RALYL: variants seen among roughly 807,000 people sequenced by gnomAD.
RALYL encodes RNA-binding Raly-like protein.
RALYL carries 29 observed loss-of-function variants against 35.1 expected under a neutral mutation model. The ratio of observed to expected loss-of-function variants is 0.83; its 90% CI spans 0.61 to 1.13. The LOEUF (loss-of-function observed/expected upper bound fraction) is 1.13, where lower values mean the gene tolerates loss of function less well. Among genes scored for constraint, RALYL ranks in the 50% most tolerant of loss-of-function variants. The probability of loss-of-function intolerance (pLI) is 0.00; values close to 1 mark genes in which losing one functional copy is unlikely to be tolerated. For missense variants in RALYL, 359 were observed against 360.4 expected, an observed-to-expected ratio of 1.00 and a Z score of 0.03; for synonymous variants, 120 against 127.6, an observed-to-expected ratio of 0.94 and a Z score of 0.40.
At chr8:84,428,793 C>T (rs1422016637) in intron 1 of RALYL, among the ~76,000 whole-genome samples, 1 of 152,108 alleles carries the variant, frequency 6.6e-6, no homozygotes, top group Non-Finnish European at 1.5e-5. Flanking sequence ...CCATGGTACC[C>T]TCTACTCTAC....
chr8:84,637,468 A>G (rs1259044178), intron 2 of RALYL, among the ~76,000 whole-genome samples: 1 of 151,854 alleles, frequency 6.6e-6, no homozygotes, highest in Admixed American at 6.6e-5. Context: ...AAGTCCAACC[A>G]CTGGCTGCTT....
chr8:84,835,502 T>TAAAAAA (rs35745516), intron 4 of RALYL, among the ~76,000 whole-genome samples: 31 of 96,218 alleles, frequency 3.2e-4, no homozygotes, highest in African/African-American at 8.2e-4. Context: ...CTGTCTCTAC[T>TAAAAAA]AAAAAAAAAA....
At chr8:84,416,988 C>CT (rs2044782389) in intron 1 of RALYL, among the ~76,000 whole-genome samples, 1 of 151,886 alleles carries the variant, frequency 6.6e-6, no homozygotes, top group African/African-American at 2.4e-5. Flanking sequence ...TATTTTCTTC[C>CT]TTTTTTCCTT....
At chr8:84,683,297 GC>G (rs1284099729) in intron 2 of RALYL, among the ~76,000 whole-genome samples, 2 of 152,166 alleles carry the variant, frequency 1.3e-5, no homozygotes, top group Non-Finnish European at 2.9e-5. Flanking sequence ...GTGGTGTGGT[GC>G]TGAAAAGAAT....
At chr8:84,594,257 A>T (rs1813960255) in intron 2 of RALYL, among the ~76,000 whole-genome samples, 2 of 152,086 alleles carry the variant, frequency 1.3e-5, no homozygotes, top group South Asian at 4.1e-4. Context: ...AGGAAATAAA[A>T]GTCACAGTGC....
chr8:84,263,730 T>C (rs1263033605), intron 1 of RALYL, among the ~76,000 whole-genome samples: 2 of 152,152 alleles, frequency 1.3e-5, no homozygotes, highest in Non-Finnish European at 2.9e-5. Flanking sequence ...TCAGCATCTA[T>C]TAGCTATTTC....
chr8:84,255,476 T>C (rs1831037695), intron 1 of RALYL, among the ~76,000 whole-genome samples: 1 of 152,150 alleles, frequency 6.6e-6, no homozygotes, highest in Non-Finnish European at 1.5e-5. Context: ...CAGGATGTAT[T>C]TGGAAATTCA....
At chr8:84,669,574 A>C (rs1832821558) in intron 2 of RALYL, among the ~76,000 whole-genome samples, 1 of 143,192 alleles carries the variant, frequency 7.0e-6, no homozygotes, top group South Asian at 2.2e-4. Context: ...CCCACTTATA[A>C]GTGAGAGCAT....
chr8:84,913,881 C>T (rs1425908601), intron 8 of RALYL, among the ~76,000 whole-genome samples: 1 of 151,690 alleles, frequency 6.6e-6, no homozygotes. Context: ...TTTCACCATA[C>T]TATTTCACTT....
At chr8:84,624,730 A>G (rs1045425935) in intron 2 of RALYL, among the ~76,000 whole-genome samples, 5 of 152,168 alleles carry the variant, frequency 3.3e-5, no homozygotes, top group Non-Finnish European at 5.9e-5. Flanking sequence ...TCTGCCTACC[A>G]CACTTGTTTT....
intron 3 of RALYL, among the ~76,000 whole-genome samples, chr8:84,786,349 TG>T (rs1046722975): frequency 9.8e-5 from 15 of 152,314 alleles, no homozygotes; most frequent in African/African-American, 3.4e-4. Flanking sequence ...TACCTAGTAA[TG>T]GGGTTGCTGG....
intron 2 of RALYL, among the ~76,000 whole-genome samples, chr8:84,708,919 G>A (rs920293592): frequency 2.0e-5 from 3 of 152,132 alleles, no homozygotes; most frequent in African/African-American, 7.2e-5. Flanking sequence ...CCTGTGCCAT[G>A]GCAAAGAAAA....
chr8:84,338,803 C>T (rs1027097277), intron 1 of RALYL, among the ~76,000 whole-genome samples: 4 of 152,022 alleles, frequency 2.6e-5, no homozygotes, highest in African/African-American at 4.8e-5. Context: ...TAGAATACCA[C>T]TAATAGACAT....
chr8:84,880,263 G>A (rs1563799816), intron 7 of RALYL, among the ~76,000 whole-genome samples: 4 of 152,038 alleles, frequency 2.6e-5, no homozygotes, highest in Non-Finnish European at 5.9e-5. Context: ...ACAATTGCAA[G>A]TTTGCTAAAG....
At chr8:84,192,552 CT>C (rs200471328) in intron 1 of RALYL, among the ~76,000 whole-genome samples, 144 of 145,590 alleles carry the variant, frequency 9.9e-4, no homozygotes, top group East Asian at 6.6e-3. Context: ...ACTGAATTTT[CT>C]TTTTTTTTTT....
intron 6 of RALYL, among the ~76,000 whole-genome samples, chr8:84,871,727 A>G (rs1361002237): frequency 6.6e-6 from 1 of 152,032 alleles, no homozygotes; most frequent in African/African-American, 2.4e-5. Context: ...TGCAGTTTTT[A>G]TTTTGCAAAC....
chr8:84,416,401 A>G (rs1054508178), intron 1 of RALYL, among the ~76,000 whole-genome samples: 1 of 152,194 alleles, frequency 6.6e-6, no homozygotes, highest in East Asian at 1.9e-4. Flanking sequence ...GGGGCAGGTA[A>G]GGCTCTCCTG....
intron 1 of RALYL, among the ~76,000 whole-genome samples, chr8:84,499,227 A>G (rs2056410772): frequency 6.6e-6 from 1 of 152,062 alleles, no homozygotes; most frequent in Non-Finnish European, 1.5e-5. Context: ...GTAATTTTTC[A>G]ACGCTTACCT....
intron 2 of RALYL, among the ~76,000 whole-genome samples, chr8:84,758,965 C>T (rs1042397693): frequency 6.6e-6 from 1 of 152,086 alleles, no homozygotes; most frequent in Admixed American, 6.6e-5. Context: ...GGCTATATTC[C>T]TTTCTGGAGG....
Sources: allele counts gnomAD v4.1 joint callset (sites outside exome capture counted in the v4.1 genomes callset), GRCh38; gene constraint gnomAD v4.1.1; transcripts MANE v1.5; gene names NCBI Gene and HGNC (gene_info 2026-07-23, HGNC 2026-07-21).